TOP6BL: variants seen among roughly 807,000 people sequenced by gnomAD.
TOP6BL encodes the protein type 2 DNA topoisomerase 6 subunit B-like.
chr11:66,783,452 A>G, the TOP6BL span, among the ~76,000 whole-genome samples: 1 of 152,228 alleles, frequency 6.6e-6, no homozygotes, highest in Admixed American at 6.5e-5. Flanking sequence ...ATCTTTGAAG[A>G]TAGTACTGGA....
chr11:66,827,815 A>C, the TOP6BL span, among the ~76,000 whole-genome samples: 2 of 151,686 alleles, frequency 1.3e-5, no homozygotes, highest in Admixed American at 1.3e-4. Context: ...AAATACAAAA[A>C]TGAGCCGGGT....
chr11:66,842,941 C>T, the TOP6BL span: 4 of 1,556,332 alleles, frequency 2.6e-6, no homozygotes, highest in Non-Finnish European at 3.5e-6. Flanking sequence ...GGCCCCGAGC[C>T]CGTCAGAGGC....
chr11:66,841,603 C>T, the TOP6BL span, among the ~76,000 whole-genome samples: 7 of 152,180 alleles, frequency 4.6e-5, no homozygotes, highest in African/African-American at 1.7e-4. Context: ...TACAAAATTA[C>T]CAATATATTT....
chr11:66,748,246 T>A, the TOP6BL span: 5 of 696,508 alleles, frequency 7.2e-6, no homozygotes, highest in Non-Finnish European at 1.1e-5. Flanking sequence ...CAAACCTAAA[T>A]CTGACATTTT....
the TOP6BL span, among the ~76,000 whole-genome samples, chr11:66,811,083 G>A: frequency 2.0e-5 from 3 of 151,802 alleles, no homozygotes; most frequent in Non-Finnish European, 2.9e-5. Flanking sequence ...CCTCCTGAGT[G>A]GCTAGGACTA....
At chr11:66,756,844 T>G in the TOP6BL span, among the ~76,000 whole-genome samples, 1 of 152,082 alleles carries the variant, frequency 6.6e-6, no homozygotes, top group Non-Finnish European at 1.5e-5. Flanking sequence ...CCTGAATAGC[T>G]GGACTACAGG....
chr11:66,834,696 G>T, the TOP6BL span, among the ~76,000 whole-genome samples: 1 of 152,148 alleles, frequency 6.6e-6, no homozygotes, highest in Non-Finnish European at 1.5e-5. Context: ...TTAGAAACAG[G>T]TTCCCGCTAT....
At chr11:66,766,185 G>A in the TOP6BL span, among the ~76,000 whole-genome samples, 1 of 152,178 alleles carries the variant, frequency 6.6e-6, no homozygotes, top group African/African-American at 2.4e-5. Context: ...TCTAAAACAA[G>A]TGGTCTGACC....
At chr11:66,836,989 G>A in the TOP6BL span, among the ~76,000 whole-genome samples, 4 of 151,922 alleles carry the variant, frequency 2.6e-5, no homozygotes, top group South Asian at 4.1e-4. Context: ...GTGAGCTACC[G>A]TGCGTGGCCT....
At chr11:66,825,288 G>T in the TOP6BL span, among the ~76,000 whole-genome samples, 2 of 148,974 alleles carry the variant, frequency 1.3e-5, no homozygotes, top group Non-Finnish European at 3.0e-5. Flanking sequence ...AGATCAGCCT[G>T]ACCAACATGG....
the TOP6BL span, among the ~76,000 whole-genome samples, chr11:66,777,675 G>T: frequency 6.6e-6 from 1 of 152,120 alleles, no homozygotes; most frequent in Admixed American, 6.5e-5. Context: ...TGGATCACTT[G>T]AGGTCAGGAG....
the TOP6BL span, chr11:66,762,464 C>A: frequency 3.6e-6 from 1 of 277,756 alleles, no homozygotes; most frequent in Non-Finnish European, 6.7e-6. Context: ...CCCAGAGTAC[C>A]CTTTTTTGTT....
At chr11:66,842,887 G>A in the TOP6BL span, 1 of 1,574,984 alleles carries the variant, frequency 6.3e-7, no homozygotes, top group Non-Finnish European at 8.6e-7. Flanking sequence ...GCTCAAGAGG[G>A]GCAGCCCCCG....
At chr11:66,813,975 T>C in the TOP6BL span, 9 of 1,613,840 alleles carry the variant, frequency 5.6e-6, no homozygotes, top group South Asian at 5.5e-5. Flanking sequence ...AAAAATACCA[T>C]TTGTGTATGA....
chr11:66,794,682 G>C, the TOP6BL span, among the ~76,000 whole-genome samples: 1 of 152,080 alleles, frequency 6.6e-6, no homozygotes, highest in Non-Finnish European at 1.5e-5. Context: ...AGTGTTTGTA[G>C]TATATTGGCA....
the TOP6BL span, among the ~76,000 whole-genome samples, chr11:66,817,828 TG>T: frequency 6.6e-6 from 1 of 152,172 alleles, no homozygotes; most frequent in African/African-American, 2.4e-5. Context: ...ATTACAGGCA[TG>T]AGCAATCGCA....
the TOP6BL span, chr11:66,843,334 C>A: frequency 6.7e-7 from 1 of 1,491,120 alleles, no homozygotes; most frequent in Non-Finnish European, 8.9e-7. Context: ...AGTCCTCTTC[C>A]GCGTCTGCTT....
the TOP6BL span, among the ~76,000 whole-genome samples, chr11:66,762,870 C>T: frequency 6.6e-6 from 1 of 152,190 alleles, no homozygotes. Context: ...GGAAACAATT[C>T]TACCTTTTGA....
At chr11:66,752,131 T>C in the TOP6BL span, among the ~76,000 whole-genome samples, 2 of 151,268 alleles carry the variant, frequency 1.3e-5, no homozygotes, top group African/African-American at 4.9e-5. Context: ...GCTTCCTGAA[T>C]CCCTCTCTCT....
Sources: allele counts gnomAD v4.1 joint callset (sites outside exome capture counted in the v4.1 genomes callset), GRCh38; gene constraint gnomAD v4.1.1; transcripts MANE v1.5; gene names NCBI Gene and HGNC (gene_info 2026-07-23, HGNC 2026-07-21).